WDFY4: variants seen among roughly 807,000 people sequenced by gnomAD.
WDFY4 encodes the protein WDFY family member 4.
In WDFY4, 169 loss-of-function variants were observed where a neutral mutation model predicts 351.9. The ratio of observed to expected loss-of-function variants is 0.48; its 90% CI spans 0.42 to 0.55. WDFY4 has a LOEUF of 0.55. Among genes scored for constraint, WDFY4 ranks in the 20% least tolerant of loss-of-function variants. WDFY4 has a pLI of 0.00. For missense variants in WDFY4, 3,803 were observed against 3,935.6 expected, an observed-to-expected ratio of 0.97 and a Z score of 0.90; for synonymous variants, 1,622 against 1,574.6, an observed-to-expected ratio of 1.03 and a Z score of -0.71.
At chr10:48,934,503 TAA>T (rs1291775826) in intron 47 of WDFY4, among the ~76,000 whole-genome samples, 1 of 152,204 alleles carries the variant, frequency 6.6e-6, no homozygotes, top group African/African-American at 2.4e-5. Flanking sequence ...ATACCTGTCA[TAA>T]AAGTTGGGTC....
At chr10:48,957,100 GC>G (rs763982282) in intron 51 of WDFY4, 28 bp from the exon 52 acceptor site, 2 of 1,539,422 alleles carry the variant, frequency 1.3e-6, no homozygotes, top group South Asian at 2.4e-5. Flanking sequence ...AGTGAGAGCG[GC>G]TGGTCATGTT....
At chr10:48,764,764 T>C (rs1270066378) in intron 13 of WDFY4, among the ~76,000 whole-genome samples, 2 of 152,280 alleles carry the variant, frequency 1.3e-5, no homozygotes, top group African/African-American at 4.8e-5. Flanking sequence ...CCACCTACTA[T>C]GTGCCTTTGG....
chr10:48,912,462 G>A (rs1446313950), intron 47 of WDFY4, among the ~76,000 whole-genome samples: 1 of 152,174 alleles, frequency 6.6e-6, no homozygotes, highest in East Asian at 1.9e-4. Flanking sequence ...AGAATCTTTG[G>A]CTTTTCTCTT....
At chr10:48,692,340 G>A (rs955353239) in intron 1 of WDFY4, among the ~76,000 whole-genome samples, 3 of 152,174 alleles carry the variant, frequency 2.0e-5, no homozygotes, top group Non-Finnish European at 2.9e-5. Flanking sequence ...ACAGAAGGGC[G>A]GGACAGTGCC....
rs1564551095 is a variant in WDFY4, at chr10:48,982,877, TG to T, written c.*303del. On this transcript the variant is annotated 3_prime_UTR_variant, in exon 62 of 62. Transcript: ENST00000325239. ...CTCACCTTATTAAGGGCTATTGCAC[TG>T]AAAAAAAAAAAGATGGGTCGCTTAC... 2.5e-5 allele frequency: 6 copies of T among 241,016 alleles called. No individual in the cohort carries two copies. The highest frequency in any genetic ancestry group is 4.0e-5 in the Non-Finnish European group (5 of 125,082). 14.9% of individuals were successfully genotyped at this position (241,016 alleles called of 1,614,324 possible). A position where few individuals can be genotyped will look rare whatever the true frequency, so the allele number is the denominator to read the frequency against.
chr10:48,914,163 T>C (rs769005208), intron 47 of WDFY4: 2 of 1,609,434 alleles, frequency 1.2e-6, no homozygotes, highest in African/African-American at 1.3e-5. Flanking sequence ...CATGTTCTTT[T>C]AGTAAGGGAG....
At chr10:48,758,209 G>A (rs951797999) in intron 12 of WDFY4, among the ~76,000 whole-genome samples, 2 of 152,156 alleles carry the variant, frequency 1.3e-5, no homozygotes, top group Non-Finnish European at 2.9e-5. Context: ...ATGGAATTCT[G>A]TGTGTATTTT....
At chr10:48,749,523 C>T (rs2065116642) in intron 12 of WDFY4, among the ~76,000 whole-genome samples, 1 of 152,092 alleles carries the variant, frequency 6.6e-6, no homozygotes, top group South Asian at 2.1e-4. Context: ...ACAAATACCA[C>T]ACATACACAC....
chr10:48,795,430 C>T (rs958046001), intron 23 of WDFY4, among the ~76,000 whole-genome samples: 1 of 148,710 alleles, frequency 6.7e-6, no homozygotes, highest in South Asian at 2.1e-4. Context: ...AATGTTTTCA[C>T]ATGCAACTTT....
chr10:48,926,570 A>G (rs910213153), intron 47 of WDFY4, among the ~76,000 whole-genome samples: 1 of 152,230 alleles, frequency 6.6e-6, no homozygotes, highest in Non-Finnish European at 1.5e-5. Flanking sequence ...CCACAGGCAA[A>G]TAAGGTCCCT....
chr10:48,925,545 T>A (rs1327386199), intron 47 of WDFY4, among the ~76,000 whole-genome samples: 1 of 152,224 alleles, frequency 6.6e-6, no homozygotes, highest in Non-Finnish European at 1.5e-5. Flanking sequence ...CTTGGGGGTA[T>A]AAACATAAAG....
At chr10:48,817,918 A>G (rs1313655484) in intron 32 of WDFY4, among the ~76,000 whole-genome samples, 3 of 152,204 alleles carry the variant, frequency 2.0e-5, no homozygotes, top group Non-Finnish European at 4.4e-5. Context: ...AGCCTGATTT[A>G]AGGATGAGGT....
At position 48,901,881 on chromosome 10, in the gene WDFY4, T is replaced by C. The variant is rs1443247793; in HGVS notation, c.7586+18T>C. Reference sequence around the variant, plus strand: ...AGTCTAAGGTAATGGCGGGTAGCCATGCTGTCTGGGCATGGCACTGCCCTG... The same window carrying C: ...AGTCTAAGGTAATGGCGGGTAGCCACGCTGTCTGGGCATGGCACTGCCCTG... On this transcript the variant is annotated intron_variant, in intron 47 of 61. Coordinates refer to ENST00000325239, the MANE Select transcript of WDFY4 (RefSeq NM_001394531.1). The C allele has an allele frequency of 1.3e-6, 2 of 1,550,486 alleles. No individual in the cohort carries two copies. The highest frequency in any genetic ancestry group is 2.7e-5 in the African/African-American group (2 of 73,130).
chr10:48,711,967 A>G (rs1565117970), intron 2 of WDFY4, among the ~76,000 whole-genome samples: 1 of 152,218 alleles, frequency 6.6e-6, no homozygotes, highest in East Asian at 1.9e-4. Flanking sequence ...CACCCAACCC[A>G]TATTACTAAT....
At chr10:48,838,809 G>A (rs540690271) in intron 39 of WDFY4, among the ~76,000 whole-genome samples, 1 of 152,224 alleles carries the variant, frequency 6.6e-6, no homozygotes, top group East Asian at 1.9e-4. Flanking sequence ...GAAATCATGG[G>A]GCCCAAATAA....
intron 21 of WDFY4, among the ~76,000 whole-genome samples, 180 bp downstream of exon 21, chr10:48,788,855 C>T (rs1241308844): frequency 6.6e-6 from 1 of 152,150 alleles, no homozygotes; most frequent in Non-Finnish European, 1.5e-5. Context: ...TGGTGTCCTC[C>T]CAGACTAAGC....
intron 32 of WDFY4, among the ~76,000 whole-genome samples, 193 bp from the exon 33 acceptor site, chr10:48,820,041 T>G (rs1224958948): frequency 6.6e-6 from 1 of 152,186 alleles, no homozygotes; most frequent in Non-Finnish European, 1.5e-5. Flanking sequence ...ACTTGGCATC[T>G]CATATTCTCA....
Position 48,957,161 on chromosome 10 carries a change from C to T in WDFY4, c.8010C>T (p.Phe2670=). The T allele has an allele frequency of 4.5e-6, 7 of 1,551,522 alleles. No individual in the cohort carries two copies. Among genetic ancestry groups the T allele is most frequent in the Non-Finnish European group, 6.1e-6 (7 of 1,146,886 alleles). The change falls in exon 52 of 62, where the codon TTC becomes TTT. Residue 2670 remains phenylalanine (F), a synonymous_variant. Coordinates refer to ENST00000325239, the MANE Select transcript of WDFY4 (RefSeq NM_001394531.1). ...GCTTCGACGTGGCAGACAGAATGTT[C>T]CACAGTGTGAAGAGCACGTGGGAGT... is the stretch of plus-strand genomic sequence containing the variant. ...GGSFDVADRM[F]HSVKSTWESA...
intron 43 of WDFY4, among the ~76,000 whole-genome samples, chr10:48,881,875 C>A (rs2070263916): frequency 6.6e-6 from 1 of 152,240 alleles, no homozygotes; most frequent in Admixed American, 6.5e-5. Flanking sequence ...CGCCCATCCC[C>A]AGCATACTCC....
Sources: gnomAD v4.1 joint callset for allele counts (sites outside exome capture counted in the v4.1 genomes callset) on GRCh38, gnomAD v4.1.1 for gene constraint, MANE v1.5 for transcripts, NCBI Gene and HGNC (gene_info 2026-07-23, HGNC 2026-07-21) for gene names.